The following SLA2 variants were observed in gnomAD, a reference collection of about 807,000 sequenced individuals.
SLA2 encodes src-like-adapter 2.
SLA2 carries 22 observed loss-of-function variants against 27.3 expected under a neutral mutation model. That is an observed-to-expected ratio of 0.81 (90% confidence interval 0.58 to 1.15). The LOEUF (loss-of-function observed/expected upper bound fraction) is 1.15. Ranked by LOEUF, SLA2 falls within the 50% of genes most tolerant of loss-of-function variation. The probability of loss-of-function intolerance (pLI) is 0.00; values close to 1 mark genes in which losing one functional copy is unlikely to be tolerated. For synonymous variants in SLA2, 131 were observed against 137.8 expected (o/e 0.95, Z 0.34); for missense variants, 304 against 322.2 (o/e 0.94, Z 0.43).
At chr20:36,641,950 G>A (rs1019220399) in intron 1 of SLA2, among the ~76,000 whole-genome samples, 1 of 151,008 alleles carries the variant, frequency 6.6e-6, no homozygotes, top group Non-Finnish European at 1.5e-5. Flanking sequence ...CTGAGGTCAG[G>A]AGTTCAAGAC....
intron 5 of SLA2, chr20:36,620,632 A>C (rs6101475): frequency 0.027 from 3,725 of 137,992 alleles, 164 homozygotes; most frequent in African/African-American, 0.099. Context: ...TACAGTGGTG[A>C]AATCTAGGTT....
intron 2 of SLA2, among the ~76,000 whole-genome samples, chr20:36,635,131 C>G (rs6101573): frequency 0.12 from 18,677 of 151,800 alleles, 2,473 homozygotes; most frequent in African/African-American, 0.33. Flanking sequence ...CTCAGCACAG[C>G]ACCCACGCCC....
chr20:36,637,883 CTT>C (rs35354699), intron 2 of SLA2, among the ~76,000 whole-genome samples: 138 of 89,360 alleles, frequency 1.5e-3, no homozygotes, highest in African/African-American at 5.8e-3. Flanking sequence ...GCCTCGGCCT[CTT>C]TTTTTTTTTT....
intron 5 of SLA2, among the ~76,000 whole-genome samples, chr20:36,616,865 CGTG>C (rs2147976900): frequency 6.6e-6 from 1 of 151,708 alleles, no homozygotes; most frequent in East Asian, 2.0e-4. Flanking sequence ...CCCTGGCCAA[CGTG>C]GTGAAACCCC....
At chr20:36,634,645 G>T in intron 2 of SLA2, 56 bp from the exon 3 acceptor site, 1 of 1,199,888 alleles carries the variant, frequency 8.3e-7, no homozygotes, top group Non-Finnish European at 1.2e-6. Context: ...CCACGCATGA[G>T]GTCTAGTGGA....
At chr20:36,617,219 TAGCC>T (rs1325884564) in intron 5 of SLA2, among the ~76,000 whole-genome samples, 12 of 150,034 alleles carry the variant, frequency 8.0e-5, no homozygotes, top group Admixed American at 6.6e-4. Flanking sequence ...AAAAAAAAAT[TAGCC>T]AGGTGTGGTG....
At chr20:36,634,021 C>T (rs2039418821) in intron 3 of SLA2, among the ~76,000 whole-genome samples, 1 of 151,734 alleles carries the variant, frequency 6.6e-6, no homozygotes, top group African/African-American at 2.4e-5. Context: ...CAGAGTTTTG[C>T]TCGTCGCCCA....
rs377479685 is a variant in SLA2 at position 36,632,622 on chromosome 20, G to A, written c.355C>T (p.Leu119Phe). The A allele has an allele frequency of 6.2e-7, 1 of 1,614,196 alleles. No homozygotes were observed. Among genetic ancestry groups the A allele is most frequent in the Non-Finnish European group, 8.5e-7 (1 of 1,180,030 alleles). Reference protein sequence around the residue: ...LLPGNPGGAFLIRESQTRRGS... With the variant: ...LLPGNPGGAFFIRESQTRRGS... Reference sequence around the variant, plus strand: ...CTCCTGGTCTGGCTCTCCCGGATGAGGAAGGCCCCTCCAGGGTTCCCAGGT... The same window carrying A: ...CTCCTGGTCTGGCTCTCCCGGATGAAGAAGGCCCCTCCAGGGTTCCCAGGT... The change falls in exon 5 of 8, where the codon CTC (leucine) becomes TTC (phenylalanine). Residue 119 changes from leucine (L) to phenylalanine (F), a missense_variant. Physicochemically the swap from Leu to Phe is conservative, Grantham distance 22 (BLOSUM62 0). Coordinates refer to ENST00000262866, the MANE Select transcript of SLA2 (RefSeq NM_032214.4).
chr20:36,638,304 T>C (rs919018099), intron 2 of SLA2, among the ~76,000 whole-genome samples: 1 of 151,926 alleles, frequency 6.6e-6, no homozygotes, highest in Non-Finnish European at 1.5e-5. Flanking sequence ...ATGGGGAATT[T>C]AGGCAATTTA....
intron 5 of SLA2, among the ~76,000 whole-genome samples, chr20:36,631,350 CATT>C (rs1600827110): frequency 6.6e-6 from 1 of 152,170 alleles, no homozygotes; most frequent in East Asian, 1.9e-4. Context: ...GAAGTGGTCT[CATT>C]ATGTTGGCTA....
At position 36,641,354 on chromosome 20, in the gene SLA2, T is replaced by G. The variant is rs960668791; in HGVS notation, c.-19A>C. On this transcript the variant is annotated 5_prime_UTR_variant, in exon 2 of 8. The change abolishes the stop of an existing upstream ORF in the 5' untranslated region. Coordinates refer to ENST00000262866, the MANE Select transcript of SLA2 (RefSeq NM_032214.4). Reference sequence around the variant, plus strand: ...TTCCCATTGTTCCTCAGCAGAGCACTCAGAAGCACATCATCGAGGGAAATC... The same window carrying G: ...TTCCCATTGTTCCTCAGCAGAGCACGCAGAAGCACATCATCGAGGGAAATC... 6.2e-7 allele frequency: 1 copy of G among 1,604,642 alleles called. No individual in the cohort carries two copies. The highest frequency in any genetic ancestry group is 8.5e-7 in the Non-Finnish European group (1 of 1,171,530).
At chr20:36,643,950 C>A (rs1286269812) in intron 1 of SLA2, among the ~76,000 whole-genome samples, 1 of 151,616 alleles carries the variant, frequency 6.6e-6, no homozygotes, top group East Asian at 1.9e-4. Flanking sequence ...AGACTCTGTA[C>A]CCCCCTCCCG....
Position 36,641,387 on chromosome 20 carries a change from GAC to G in SLA2, c.-43-11_-43-10del. The G allele has an allele frequency of 2.6e-6, 4 of 1,526,108 alleles. No homozygotes were observed. The highest frequency in any genetic ancestry group is 3.6e-6 in the Non-Finnish European group (4 of 1,101,572). 94.5% of individuals were successfully genotyped at this position (1,526,108 alleles called of 1,614,324 possible). On this transcript the variant is annotated splice_polypyrimidine_tract_variant and intron_variant, in intron 1 of 7. Coordinates refer to ENST00000262866, the MANE Select transcript of SLA2 (RefSeq NM_032214.4). The stretch of plus-strand genomic sequence containing the variant: ...ACATCATCGAGGGAAATCTGAAAGA[GAC>G]ACAGTGATGGGGACAGAGCCGAGGC...
At chr20:36,632,115 T>C (rs1355510697) in intron 5 of SLA2, among the ~76,000 whole-genome samples, 1 of 152,150 alleles carries the variant, frequency 6.6e-6, no homozygotes, top group African/African-American at 2.4e-5. Context: ...CCCAGCACTG[T>C]GTCTCTGCTG....
intron 2 of SLA2, among the ~76,000 whole-genome samples, chr20:36,639,328 G>T (rs994346928): frequency 6.6e-6 from 1 of 151,986 alleles, no homozygotes; most frequent in Non-Finnish European, 1.5e-5. Flanking sequence ...TGGGTCTCCA[G>T]TCTGCCCTGC....
intron 5 of SLA2, among the ~76,000 whole-genome samples, chr20:36,625,379 TG>T (rs2039326947): frequency 6.6e-6 from 1 of 152,070 alleles, no homozygotes; most frequent in Admixed American, 6.6e-5. Context: ...CCTGCCACCA[TG>T]CCTGTCTAAT....
intron 5 of SLA2, among the ~76,000 whole-genome samples, chr20:36,625,208 G>T (rs181793214): frequency 2.2e-5 from 3 of 138,676 alleles, no homozygotes; most frequent in South Asian, 2.2e-4. Flanking sequence ...ATCAGACCAC[G>T]TACCCTGATT....
intron 5 of SLA2, among the ~76,000 whole-genome samples, chr20:36,628,931 TTTC>T (rs1182713973): frequency 1.3e-5 from 2 of 152,062 alleles, no homozygotes; most frequent in South Asian, 2.1e-4. Flanking sequence ...AATTGGCAAA[TTTC>T]TTCTTTCTTT....
At chr20:36,619,414 T>G (rs988062362) in intron 5 of SLA2, among the ~76,000 whole-genome samples, 1 of 150,268 alleles carries the variant, frequency 6.7e-6, no homozygotes, top group African/African-American at 2.5e-5. Context: ...TAATCCCAGC[T>G]ACTTGGGAGA....
Sources: gnomAD v4.1 joint callset for allele counts (sites outside exome capture counted in the v4.1 genomes callset) on GRCh38, gnomAD v4.1.1 for gene constraint, MANE v1.5 for transcripts, NCBI Gene and HGNC (gene_info 2026-07-23, HGNC 2026-07-21) for gene names.